The following FAT4 variants were observed in gnomAD, a reference collection of about 807,000 sequenced individuals.
FAT4 encodes protocadherin Fat 4.
In FAT4, 84 loss-of-function variants were observed where a neutral mutation model predicts 303.9. That is an observed-to-expected ratio of 0.28 (90% CI 0.23 to 0.33). FAT4 has a LOEUF of 0.33. Among genes scored for constraint, FAT4 ranks in the 10% least tolerant of loss-of-function variants. FAT4 has a pLI of 1.00. For missense variants in FAT4, 6,005 were observed against 6,146.8 expected (o/e 0.98, Z 0.77); for synonymous variants, 2,307 against 2,298.8 (o/e 1.00, Z -0.10).
chr4:125,448,284 A>G (rs558569817), intron 9 of FAT4, among the ~76,000 whole-genome samples, 177 bp from the exon 10 acceptor site: 73 of 152,298 alleles, frequency 4.8e-4, no homozygotes, highest in African/African-American at 1.7e-3. Flanking sequence ...AGACAATCAT[A>G]GAGCAGATTT....
At position 125,316,375 on chromosome 4, in the gene FAT4, C is replaced by G. The variant is rs755705320; in HGVS notation, c.-12-25C>G. ...TATCATTGCGTTTGCTTCACCCCTT[C>G]CTTCTCTTTATCACATCGTTTTAGG... On this transcript the variant is annotated intron_variant, in intron 1 of 17. Transcript: ENST00000394329. The surrounding 1 kb of genome is among the most constrained non-coding windows in gnomAD (Gnocchi z 5.7). 10 of 1,556,776 alleles carry G rather than the reference C, an allele frequency of 6.4e-6. No homozygotes were observed. The highest frequency in any genetic ancestry group is 7.8e-6 in the Non-Finnish European group (9 of 1,150,822).
Position 125,321,485 on chromosome 4 carries a change from A to T in FAT4, c.5074A>T (p.Thr1692Ser). The change falls in exon 2 of 18, where the codon ACC (threonine) becomes TCC (serine). Residue 1692 changes from threonine to serine, a missense_variant. Physicochemically the swap from Thr to Ser is moderately conservative, Grantham distance 58. Transcript: ENST00000394329. The stretch of plus-strand genomic sequence containing the variant: ...TGGACGACATACTGGTATAATTCAG[A>T]CCGCAGCCATTCTGGACCGGGAGCA... Reference protein sequence around the residue: ...TIGRHTGIIQTAAILDREQGA... With the variant: ...TIGRHTGIIQSAAILDREQGA... 1 of 1,614,120 alleles carries T rather than the reference A, an allele frequency of 6.2e-7. No homozygotes were observed. Among genetic ancestry groups the T allele is most frequent in the Non-Finnish European group, 8.5e-7 (1 of 1,179,992 alleles).
intron 5 of FAT4, among the ~76,000 whole-genome samples, chr4:125,411,876 C>A (rs983206631): frequency 6.8e-6 from 1 of 147,832 alleles, no homozygotes; most frequent in Non-Finnish European, 1.5e-5. Flanking sequence ...ATATATATGA[C>A]GAAACCATAA....
At chr4:125,466,477 CCTTTTA>C (rs1204418081) in intron 11 of FAT4, among the ~76,000 whole-genome samples, 20 of 151,436 alleles carry the variant, frequency 1.3e-4, no homozygotes, top group African/African-American at 4.4e-4. Context: ...CTTTATTTTT[CCTTTTA>C]CTTTAACTTC....
At chr4:125,351,048 T>C (rs1732202123) in intron 2 of FAT4, among the ~76,000 whole-genome samples, 1 of 151,684 alleles carries the variant, frequency 6.6e-6, no homozygotes, top group Non-Finnish European at 1.5e-5. Flanking sequence ...TTTGCATCAT[T>C]AGACAGCCAA....
At chr4:125,322,931 A>C (rs1731012534) in intron 2 of FAT4, among the ~76,000 whole-genome samples, 1 of 152,108 alleles carries the variant, frequency 6.6e-6, no homozygotes, top group Non-Finnish European at 1.5e-5. Flanking sequence ...TAATTATTTA[A>C]AAAATATTTT....
chr4:125,471,432 T>A (rs960135946), intron 12 of FAT4, among the ~76,000 whole-genome samples: 2 of 152,170 alleles, frequency 1.3e-5, no homozygotes, highest in African/African-American at 4.8e-5. Flanking sequence ...AAATGAGGCA[T>A]GCATGTATTT....
chr4:125,472,422 TTAACCAAGCTTTTGC>T (rs1223706171), intron 12 of FAT4, among the ~76,000 whole-genome samples: 2 of 152,168 alleles, frequency 1.3e-5, no homozygotes. Context: ...TAAAATGTTT[TTAACCAAGCTTTTGC>T]TAGTTTTTTT....
At chr4:125,483,519 G>T (rs1396910951) in intron 16 of FAT4, among the ~76,000 whole-genome samples, 1 of 152,022 alleles carries the variant, frequency 6.6e-6, no homozygotes. Flanking sequence ...TCTTCACTAA[G>T]GAAAAAGCTG....
rs115489946 is a variant in FAT4 at position 125,328,743 on chromosome 4, A to G, written c.5175+7157A>G. 9.0e-3 allele frequency among the ~76,000 whole-genome samples: 1,368 copies of G among 152,320 alleles called. 20 individuals are homozygous for G. Among genetic ancestry groups the G allele is most frequent in the African/African-American group, 0.031 (1,303 of 41,576 alleles). ...GTTCTGGAGGTAGATACAACATATC[A>G]TCATTTGACAAATGAGAATACTGAG... On this transcript the variant is annotated intron_variant, in intron 2 of 17. Transcript: ENST00000394329.
At chr4:125,387,266 G>A (rs1372806312) in intron 2 of FAT4, among the ~76,000 whole-genome samples, 1 of 152,160 alleles carries the variant, frequency 6.6e-6, no homozygotes, top group Non-Finnish European at 1.5e-5. Context: ...GAATAGAAAT[G>A]TCTGCAAAGG....
rs750216710 is a variant in FAT4, at chr4:125,393,945, A to G, written c.5176-4839A>G. Reference sequence around the variant, plus strand: ...TTGTGAAGCTACCTAAATGGTAACAACGGTAGTGGCAGTGGGTGATACCTT... The same window carrying G: ...TTGTGAAGCTACCTAAATGGTAACAGCGGTAGTGGCAGTGGGTGATACCTT... On this transcript the variant is annotated intron_variant, in intron 2 of 17. Coordinates refer to ENST00000394329, the MANE Select transcript of FAT4 (RefSeq NM_001291303.3). 1.4e-5 allele frequency: 11 copies of G among 780,156 alleles called. No homozygotes were observed. The South Asian group carries it at 1.5e-4, about 10-fold the overall frequency. The allele number at this position is 780,156 out of a possible 1,614,324, so 48.3% of individuals were successfully genotyped here.
At chr4:125,360,093 C>A (rs899533473) in intron 2 of FAT4, among the ~76,000 whole-genome samples, 1 of 152,214 alleles carries the variant, frequency 6.6e-6, no homozygotes, top group East Asian at 1.9e-4. Flanking sequence ...TCTAATCCAT[C>A]TTATCTTTTG....
chr4:125,463,489 G>T, intron 10 of FAT4, 74 bp from the exon 11 acceptor site: 3 of 775,664 alleles, frequency 3.9e-6, no homozygotes, highest in Non-Finnish European at 5.8e-6. Context: ...AGATTTTTAC[G>T]TATGGTAATG....
chr4:125,463,678 CT>C lies in FAT4; in HGVS notation c.11905+13del. 6.7e-7 allele frequency: 1 copy of C among 1,495,128 alleles called. No homozygotes were observed. The highest frequency in any genetic ancestry group is 1.8e-4 in the Middle Eastern group (1 of 5,714). The allele number at this position is 1,495,128 out of a possible 1,614,324, so 92.6% of individuals were successfully genotyped here. A position where few individuals can be genotyped will look rare whatever the true frequency, so the allele number is the denominator to read the frequency against. ...GTCATTGTCCATTTGGTGAGTAAAACTTATTTGTTGATATAAAATATAAGTT... is the reference window on the plus strand; with the variant it reads ...GTCATTGTCCATTTGGTGAGTAAAACTATTTGTTGATATAAAATATAAGTT... On this transcript the variant is annotated intron_variant, in intron 11 of 17. Coordinates refer to ENST00000394329, the MANE Select transcript of FAT4 (RefSeq NM_001291303.3).
rs747737170 is a variant in FAT4, at chr4:125,490,303, G to T, written c.13487G>T (p.Gly4496Val). ...PAGHVCVLSQGPEEISLPLWA... is the reference protein window; with the variant it reads ...PAGHVCVLSQVPEEISLPLWA... ...GGGCATGTCTGTGTTCTGAGTCAGGGCCCTGAAGAGATCTCTCTGCCTTTG... is the reference window on the plus strand; with the variant it reads ...GGGCATGTCTGTGTTCTGAGTCAGGTCCCTGAAGAGATCTCTCTGCCTTTG... The change falls in exon 18 of 18, where the codon GGC becomes GTC. Residue 4496 changes from glycine (G) to valine (V), a missense_variant. Physicochemically the swap from Gly to Val is moderately radical, Grantham distance 109. Coordinates refer to ENST00000394329, the MANE Select transcript of FAT4 (RefSeq NM_001291303.3). 2.5e-6 allele frequency: 4 copies of T among 1,614,148 alleles called. No homozygotes were observed. The highest frequency in any genetic ancestry group is 3.4e-6 in the Non-Finnish European group (4 of 1,180,032).
intron 7 of FAT4, among the ~76,000 whole-genome samples, chr4:125,417,268 T>C (rs1735112447): frequency 6.6e-6 from 1 of 152,126 alleles, no homozygotes; most frequent in Non-Finnish European, 1.5e-5. Context: ...TGGAAACATG[T>C]AGATGGTTCC....
chr4:125,393,898 G>T, intron 2 of FAT4: 1 of 777,804 alleles, frequency 1.3e-6, no homozygotes, highest in South Asian at 1.3e-5. Context: ...GGGCTCAGGT[G>T]ACTCAGTCAA....
intron 10 of FAT4, among the ~76,000 whole-genome samples, chr4:125,458,690 A>C (rs1726379339): frequency 6.6e-6 from 1 of 151,982 alleles, no homozygotes. Flanking sequence ...GCATATATTT[A>C]TAAGCTTATG....
Sources: allele counts gnomAD v4.1 joint callset (sites outside exome capture counted in the v4.1 genomes callset), GRCh38; gene constraint gnomAD v4.1.1; non-coding constraint Gnocchi (gnomAD v3.1); transcripts MANE v1.5; gene names NCBI Gene and HGNC (gene_info 2026-07-23, HGNC 2026-07-21).